STX18: variants seen among roughly 807,000 people sequenced by gnomAD.
STX18 encodes syntaxin-18.
STX18 carries 40 observed loss-of-function variants against 50.1 expected under a neutral mutation model. That is an observed-to-expected ratio of 0.80 (90% CI 0.62 to 1.04). The LOEUF is 1.04. Among genes scored for constraint, STX18 ranks in the 50% least tolerant of loss-of-function variants. The pLI, the probability that STX18 is intolerant of heterozygous loss-of-function variation, is 0.00. For synonymous variants in STX18, 158 were observed against 151.8 expected (o/e 1.04, Z -0.30); for missense variants, 410 against 415.8 (o/e 0.99, Z 0.12).
chr4:4,493,984 A>T (rs1729057974), intron 1 of STX18, among the ~76,000 whole-genome samples: 1 of 152,216 alleles, frequency 6.6e-6, no homozygotes. Flanking sequence ...AAAAGTCAAC[A>T]AGGTAAATAT....
At chr4:4,527,534 T>C (rs1036512206) in intron 1 of STX18, among the ~76,000 whole-genome samples, 14 of 152,032 alleles carry the variant, frequency 9.2e-5, no homozygotes, top group Non-Finnish European at 1.9e-4. Flanking sequence ...AAAACACACA[T>C]TTCCACTGAA....
intron 1 of STX18, among the ~76,000 whole-genome samples, chr4:4,537,119 C>G (rs1032405807): frequency 1.3e-5 from 2 of 152,080 alleles, no homozygotes; most frequent in Non-Finnish European, 2.9e-5. Context: ...GTGTGGTAGC[C>G]CCCCCTGGCT....
chr4:4,491,704 A>C (rs1728949584), intron 1 of STX18, among the ~76,000 whole-genome samples: 1 of 152,148 alleles, frequency 6.6e-6, no homozygotes, highest in South Asian at 2.1e-4. Context: ...ATCGTTGATC[A>C]CAAGCCTAGT....
At chr4:4,429,722 C>T (rs1268983593) in intron 7 of STX18, among the ~76,000 whole-genome samples, 1 of 152,208 alleles carries the variant, frequency 6.6e-6, no homozygotes, top group Non-Finnish European at 1.5e-5. Context: ...TGCTGTGCCC[C>T]TGTAAACCTG....
At chr4:4,485,572 G>A (rs1728661698) in intron 1 of STX18, among the ~76,000 whole-genome samples, 1 of 152,132 alleles carries the variant, frequency 6.6e-6, no homozygotes, top group African/African-American at 2.4e-5. Flanking sequence ...TAGACTCGCA[G>A]GCAGTAAGCA....
At chr4:4,539,979 T>C (rs759001314) in intron 1 of STX18, among the ~76,000 whole-genome samples, 6 of 152,116 alleles carry the variant, frequency 3.9e-5, no homozygotes, top group East Asian at 1.9e-4. Context: ...AAGGGACCCT[T>C]AAAAAGCCAA....
intron 7 of STX18, among the ~76,000 whole-genome samples, chr4:4,427,906 C>G (rs1303514175): frequency 6.6e-6 from 1 of 152,196 alleles, no homozygotes; most frequent in Non-Finnish European, 1.5e-5. Context: ...CCTCAAGGAT[C>G]AAAGGTGCTA....
At chr4:4,454,012 C>T (rs1412505371) in intron 5 of STX18, among the ~76,000 whole-genome samples, 3 of 152,158 alleles carry the variant, frequency 2.0e-5, no homozygotes, top group Non-Finnish European at 4.4e-5. Flanking sequence ...AATGACACTG[C>T]CATTTAATCA....
chr4:4,462,583 T>G (rs1727437456), intron 2 of STX18, among the ~76,000 whole-genome samples: 1 of 152,002 alleles, frequency 6.6e-6, no homozygotes, highest in Admixed American at 6.6e-5. Flanking sequence ...AGTTTCTAGC[T>G]GGGTATCATG....
chr4:4,518,078 G>C lies in STX18; in HGVS notation c.168+23719C>G, dbSNP rs117582455. On this transcript the variant is annotated intron_variant, in intron 1 of 10. Coordinates refer to ENST00000306200, the MANE Select transcript of STX18 (RefSeq NM_016930.4). ...TTGAGCCACCACACCCGGCCTATATGTGTTCTTATAAAATGTTGCAAATAT... is the reference window on the plus strand; with the variant it reads ...TTGAGCCACCACACCCGGCCTATATCTGTTCTTATAAAATGTTGCAAATAT... Among the ~76,000 whole-genome samples the C allele has an allele frequency of 2.0e-3, 311 of 152,234 alleles. 3 individuals are homozygous for C. The East Asian group carries it at 0.026, about 13-fold the overall frequency.
At chr4:4,444,446 A>T (rs879365579) in intron 5 of STX18, among the ~76,000 whole-genome samples, 1 of 152,148 alleles carries the variant, frequency 6.6e-6, no homozygotes, top group African/African-American at 2.4e-5. Flanking sequence ...CTGACCCCCA[A>T]TGAAAACCCT....
At chr4:4,455,221 T>A (rs1577337851) in intron 5 of STX18, among the ~76,000 whole-genome samples, 1 of 152,206 alleles carries the variant, frequency 6.6e-6, no homozygotes, top group African/African-American at 2.4e-5. Flanking sequence ...CATATCCTGA[T>A]TAAGCTGACT....
intron 1 of STX18, among the ~76,000 whole-genome samples, chr4:4,494,827 C>T (rs939447773): frequency 6.6e-6 from 1 of 152,076 alleles, no homozygotes; most frequent in Non-Finnish European, 1.5e-5. Flanking sequence ...AGGAGCCCCA[C>T]GTGTGCCAAG....
chr4:4,457,259 T>C lies in STX18; in HGVS notation c.431-2A>G, dbSNP rs750328289. On this transcript the variant is annotated splice_acceptor_variant, in intron 4 of 10. Transcript: ENST00000306200. LOFTEE classifies it high-confidence loss of function. ...GTTCTGAGTAAAGTTTACATACTCC[T>C]GTTGCAGAAGAAAATACCAGAAGAG... 3.7e-6 allele frequency: 6 copies of C among 1,613,956 alleles called. No individual in the cohort carries two copies.
intron 8 of STX18, chr4:4,423,834 C>T (rs1725095782): frequency 3.7e-6 from 2 of 533,656 alleles, no homozygotes; most frequent in South Asian, 4.2e-5. Flanking sequence ...TGCCAACTGA[C>T]CCTCAGTCCC....
intron 1 of STX18, among the ~76,000 whole-genome samples, chr4:4,509,740 A>G (rs1729911486): frequency 1.3e-5 from 2 of 150,650 alleles, no homozygotes; most frequent in African/African-American, 4.9e-5. Flanking sequence ...TGTAGGGAAA[A>G]AGGTGAATTC....
intron 7 of STX18, among the ~76,000 whole-genome samples, chr4:4,432,746 G>A (rs903438915): frequency 1.4e-4 from 21 of 152,244 alleles, no homozygotes; most frequent in African/African-American, 5.1e-4. Context: ...GTCTTCACTT[G>A]TCCATGCCAT....
chr4:4,539,916 G>A lies in STX18; in HGVS notation c.168+1881C>T, dbSNP rs145500545. On this transcript the variant is annotated intron_variant, in intron 1 of 10. Transcript: ENST00000306200. The stretch of plus-strand genomic sequence containing the variant: ...CCATTCCCAAATCCCCCCTTTCCCT[G>A]AGCAGGACTCAAAATTAGCACAGTG... Among the ~76,000 whole-genome samples the A allele has an allele frequency of 1.9e-3, 294 of 152,254 alleles. 2 individuals are homozygous for A. The highest frequency in any genetic ancestry group is 6.9e-3 in the African/African-American group (285 of 41,530).
chr4:4,490,297 C>G (rs1449885945), intron 1 of STX18, among the ~76,000 whole-genome samples: 5 of 152,068 alleles, frequency 3.3e-5, no homozygotes, highest in Non-Finnish European at 7.4e-5. Context: ...TAACAATAGC[C>G]AAAGGGGCAT....
Sources: gnomAD v4.1 joint callset for allele counts (sites outside exome capture counted in the v4.1 genomes callset) on GRCh38, gnomAD v4.1.1 for gene constraint, MANE v1.5 for transcripts, NCBI Gene and HGNC (gene_info 2026-07-23, HGNC 2026-07-21) for gene names.